PCDHA5: variants seen among roughly 807,000 people sequenced by gnomAD.
The protein encoded by PCDHA5 is protocadherin alpha 5.
A neutral mutation model predicts 61.6 loss-of-function variants in PCDHA5; 43 were observed. That is an observed-to-expected ratio of 0.70 (90% CI 0.55 to 0.90). The LOEUF is 0.90. PCDHA5 is among the 40% of genes least tolerant of loss of function. PCDHA5 has a pLI of 0.00. For synonymous variants in PCDHA5, 627 were observed against 543.9 expected, an observed-to-expected ratio of 1.15 and a Z score of -2.13; for missense variants, 1,298 against 1,222.7, an observed-to-expected ratio of 1.06 and a Z score of -0.92.
At chr5:140,883,960 G>C in intron 1 of PCDHA5, 5 of 1,613,090 alleles carry the variant, frequency 3.1e-6, no homozygotes, top group Non-Finnish European at 4.2e-6. Flanking sequence ...ACGCTCCGGC[G>C]CTGCTGACGC....
At chr5:140,847,318 A>G (rs1054415960) in intron 1 of PCDHA5, 1 of 149,914 alleles carries the variant, frequency 6.7e-6, no homozygotes, top group Admixed American at 6.7e-5. Context: ...CAAGGACAGA[A>G]GCAATTGTTA....
chr5:140,856,611 A>T (rs782801357), intron 1 of PCDHA5: 2 of 1,598,100 alleles, frequency 1.3e-6, no homozygotes, highest in Non-Finnish European at 1.7e-6. Context: ...AAAGACAAAG[A>T]CAAATTCCCA....
In PCDHA5 at chr5:140,869,324, T is replaced by C. The variant is rs1581884799; in HGVS notation, c.2352+45197T>C. 1.9e-6 allele frequency: 3 copies of C among 1,613,876 alleles called. No individual in the cohort carries two copies. In the East Asian group the frequency reaches 6.7e-5, roughly 36 times the overall value. On this transcript the variant is annotated intron_variant, in intron 1 of 3. Coordinates refer to ENST00000529859, the MANE Select transcript of PCDHA5 (RefSeq NM_018908.3). Reference sequence around the variant, plus strand: ...GTGGCGTCCAAAACACATGGGGACCTTCTGGAGGTAAATCTGCAGAATGGC... The same window carrying C: ...GTGGCGTCCAAAACACATGGGGACCCTCTGGAGGTAAATCTGCAGAATGGC...
intron 1 of PCDHA5, chr5:140,883,758 G>A (rs781858673): frequency 3.1e-6 from 5 of 1,612,920 alleles, no homozygotes; most frequent in South Asian, 1.1e-5. Context: ...CTGGTGGAGC[G>A]GCGGGTGGGC....
intron 1 of PCDHA5, 73 bp from the exon 2 acceptor site, chr5:140,978,876 A>G: frequency 6.2e-7 from 1 of 1,609,510 alleles, no homozygotes; most frequent in Non-Finnish European, 8.5e-7. Flanking sequence ...GGGAGTAACT[A>G]ATCAATTAGC....
In PCDHA5 at chr5:140,842,698, G is replaced by C. The variant is rs2150342332; in HGVS notation, c.2352+18571G>C. On this transcript the variant is annotated intron_variant, in intron 1 of 3. Transcript: ENST00000529859. ...ATGCTCCGGCGTTCGCGCAGCCCGA[G>C]TACACGGTGTTCGTGAAGGAGAACA... The C allele has an allele frequency of 9.4e-6, 15 of 1,595,366 alleles. 2 individuals carry two copies. The highest frequency in any genetic ancestry group is 4.3e-6 in the Non-Finnish European group (5 of 1,165,528).
At chr5:140,871,321 T>A in intron 1 of PCDHA5, 2 of 1,614,066 alleles carry the variant, frequency 1.2e-6, no homozygotes, top group Non-Finnish European at 1.7e-6. Flanking sequence ...CACGCTGGTG[T>A]GCTCCCGCGC....
chr5:140,952,192 G>T (rs572613863), intron 1 of PCDHA5, among the ~76,000 whole-genome samples: 3 of 152,080 alleles, frequency 2.0e-5, no homozygotes, highest in Non-Finnish European at 4.4e-5. Context: ...TCATGGGTTG[G>T]TGTTGAATGC....
At position 140,823,878 on chromosome 5, in the gene PCDHA5, C is replaced by G. The variant is rs142924665; in HGVS notation, c.2103C>G (p.Ile701Met). 3 of 1,613,924 alleles carry G rather than the reference C, an allele frequency of 1.9e-6. No individual in the cohort carries two copies. The highest frequency in any genetic ancestry group is 2.5e-6 in the Non-Finnish European group (3 of 1,179,944). ...ALVDVNVYLIIAICAVSSLLV... is the reference protein window; with the variant it reads ...ALVDVNVYLIMAICAVSSLLV... ...TGGATGTCAACGTGTACCTGATCATCGCCATCTGTGCGGTGTCCAGCCTGC... is the reference window on the plus strand; with the variant it reads ...TGGATGTCAACGTGTACCTGATCATGGCCATCTGTGCGGTGTCCAGCCTGC... Residue 701 changes from isoleucine (I) to methionine (M), a missense_variant, in exon 1 of 4, where the codon ATC becomes ATG. Transcript: ENST00000529859.
At chr5:140,932,794 G>A (rs945877357) in intron 1 of PCDHA5, among the ~76,000 whole-genome samples, 46 of 151,806 alleles carry the variant, frequency 3.0e-4, no homozygotes, top group African/African-American at 4.8e-5. Flanking sequence ...TAAGAGAAAA[G>A]CAATACCTTG....
intron 1 of PCDHA5, among the ~76,000 whole-genome samples, chr5:140,973,570 T>C (rs1211629419): frequency 6.6e-6 from 1 of 152,232 alleles, no homozygotes; most frequent in Non-Finnish European, 1.5e-5. Flanking sequence ...CCTCAATTTT[T>C]CTACAGACTG....
chr5:140,966,916 G>A lies in PCDHA5; in HGVS notation c.2353-12033G>A, dbSNP rs1554228883. On this transcript the variant is annotated intron_variant, in intron 1 of 3. Coordinates refer to ENST00000529859, the MANE Select transcript of PCDHA5 (RefSeq NM_018908.3). Reference sequence around the variant, plus strand: ...CCCAGCTGCGATACTCTGTGCCAGAGGAGCAGGCACCCGGCGCGCTCGTGG... The same window carrying A: ...CCCAGCTGCGATACTCTGTGCCAGAAGAGCAGGCACCCGGCGCGCTCGTGG... 13 of 1,602,486 alleles carry A rather than the reference G, an allele frequency of 8.1e-6. No individual in the cohort carries two copies. In the South Asian group the frequency reaches 1.4e-4, roughly 18 times the overall value.
chr5:140,836,158 C>T, intron 1 of PCDHA5: 2 of 1,613,784 alleles, frequency 1.2e-6, no homozygotes, highest in Non-Finnish European at 1.7e-6. Context: ...CATGTGGTGG[C>T]GAAGGTACGT....
chr5:140,891,712 C>T (rs2063219356), intron 1 of PCDHA5, among the ~76,000 whole-genome samples: 1 of 152,148 alleles, frequency 6.6e-6, no homozygotes, highest in Non-Finnish European at 1.5e-5. Context: ...TTTGTACCCC[C>T]AAATTCATGT....
chr5:140,863,274 G>A, intron 1 of PCDHA5: 1 of 1,461,698 alleles, frequency 6.8e-7, no homozygotes. Flanking sequence ...CAGCGCTGGT[G>A]GATGTCAACG....
At chr5:140,873,861 A>AT (rs1198117759) in intron 1 of PCDHA5, among the ~76,000 whole-genome samples, 1 of 152,162 alleles carries the variant, frequency 6.6e-6, no homozygotes, top group Non-Finnish European at 1.5e-5. Context: ...GGTTTTCACC[A>AT]TGTTGGCCAG....
chr5:140,927,191 T>TG, intron 1 of PCDHA5: 1 of 1,614,144 alleles, frequency 6.2e-7, no homozygotes, highest in East Asian at 2.2e-5. Flanking sequence ...TACGACCTGG[T>TG]GCTCGAGGAC....
intron 1 of PCDHA5, chr5:140,928,982 G>T: frequency 6.2e-7 from 1 of 1,613,824 alleles, no homozygotes; most frequent in Non-Finnish European, 8.5e-7. Flanking sequence ...TTATTTCTGG[G>T]GTGCTTACTT....
chr5:140,888,753 A>G (rs1237459726), intron 1 of PCDHA5, among the ~76,000 whole-genome samples: 1 of 149,022 alleles, frequency 6.7e-6, no homozygotes, highest in Non-Finnish European at 1.5e-5. Flanking sequence ...TATTCTACCC[A>G]CTTTTTTTTT....
Sources: allele counts gnomAD v4.1 joint callset (sites outside exome capture counted in the v4.1 genomes callset), GRCh38; gene constraint gnomAD v4.1.1; transcripts MANE v1.5; gene names NCBI Gene and HGNC (gene_info 2026-07-23, HGNC 2026-07-21).